Variants in CSMD1 observed in about 807,000 individuals in gnomAD.
CSMD1 encodes the protein CUB and sushi domain-containing protein 1.
Under a neutral mutation model 417.5 loss-of-function variants are expected in CSMD1, and 213 were observed. The ratio of observed to expected loss-of-function variants is 0.51; its 90% CI spans 0.46 to 0.57. The LOEUF (loss-of-function observed/expected upper bound fraction) is 0.57. Among genes scored for constraint, CSMD1 ranks in the 20% least tolerant of loss-of-function variants. The pLI is 0.00. For synonymous variants in CSMD1, 2,862 were observed against 1,736.8 expected (o/e 1.65, Z -16.11); for missense variants, 6,923 against 4,529.7 (o/e 1.53, Z -15.17).
chr8:3,911,134 G>C (rs2930371), intron 5 of CSMD1, among the ~76,000 whole-genome samples: 30,979 of 151,982 alleles, frequency 0.2, 3,827 homozygotes, highest in African/African-American at 0.33. Context: ...CCAATCACAG[G>C]ACTCAAAGAG....
intron 5 of CSMD1, among the ~76,000 whole-genome samples, chr8:3,985,330 C>T (rs1049787394): frequency 6.6e-6 from 1 of 152,104 alleles, no homozygotes; most frequent in African/African-American, 2.4e-5. Flanking sequence ...TATATGTTTT[C>T]GTTTATTAGG....
intron 1 of CSMD1, among the ~76,000 whole-genome samples, chr8:4,793,611 T>A (rs1174817968): frequency 6.6e-6 from 1 of 151,674 alleles, no homozygotes; most frequent in Admixed American, 6.6e-5. Context: ...ACTATCATAC[T>A]GTTTCAAAAA....
chr8:4,306,578 G>A (rs1489953153), intron 3 of CSMD1, among the ~76,000 whole-genome samples: 1 of 152,078 alleles, frequency 6.6e-6, no homozygotes, highest in Non-Finnish European at 1.5e-5. Flanking sequence ...CCTGCCCATG[G>A]TGTATTAAGC....
chr8:3,527,064 C>A (rs1347942555), intron 10 of CSMD1, among the ~76,000 whole-genome samples: 4 of 151,968 alleles, frequency 2.6e-5, no homozygotes, highest in Admixed American at 6.6e-5. Context: ...CGGGTCAGTG[C>A]CACGCTGCAA....
chr8:4,107,160 C>A (rs1284172676), intron 3 of CSMD1, among the ~76,000 whole-genome samples: 2 of 152,152 alleles, frequency 1.3e-5, no homozygotes, highest in Admixed American at 1.3e-4. Flanking sequence ...CAATTCCAGT[C>A]AACTTCAGAA....
chr8:3,704,846 C>G (rs532732902), intron 7 of CSMD1: 6 of 152,392 alleles, frequency 3.9e-5, no homozygotes, highest in African/African-American at 1.4e-4. Context: ...TTGCTGAACT[C>G]TTGCTGATGC....
At position 4,025,377 on chromosome 8, in the gene CSMD1, T is replaced by G. The variant is rs59528403; in HGVS notation, c.610+6528A>C. 4.0e-3 allele frequency among the ~76,000 whole-genome samples: 602 copies of G among 152,332 alleles called. 4 individuals carry two copies. Among genetic ancestry groups the G allele is most frequent in the African/African-American group, 0.014 (578 of 41,572 alleles). On this transcript the variant is annotated intron_variant, in intron 4 of 69. Transcript: ENST00000635120. ...GATCCTCTATTTCCCTGTAGGACCC[T>G]AGATCTCAAAGTAATTTATAATCTA...
At chr8:3,504,043 G>C (rs7009256) in intron 10 of CSMD1, among the ~76,000 whole-genome samples, 10 of 151,922 alleles carry the variant, frequency 6.6e-5, no homozygotes, top group Non-Finnish European at 1.5e-4. Flanking sequence ...CAGGGTGACT[G>C]TCATGAACAA....
chr8:4,072,072 C>A (rs928795067), intron 3 of CSMD1, among the ~76,000 whole-genome samples: 8 of 152,188 alleles, frequency 5.3e-5, no homozygotes, highest in Non-Finnish European at 1.2e-4. Flanking sequence ...GCCACCAGCA[C>A]TGACATGCTT....
intron 3 of CSMD1, among the ~76,000 whole-genome samples, chr8:4,108,873 T>G (rs11988265): frequency 0.022 from 3,362 of 152,308 alleles, 133 homozygotes; most frequent in African/African-American, 0.076. Flanking sequence ...TGCAAGAATT[T>G]GTCACTTTAG....
chr8:4,011,990 G>A (rs1816575726), intron 4 of CSMD1, among the ~76,000 whole-genome samples: 1 of 151,532 alleles, frequency 6.6e-6, no homozygotes, highest in Admixed American at 6.6e-5. Flanking sequence ...CACAGAAATG[G>A]CTGTTATACT....
intron 3 of CSMD1, among the ~76,000 whole-genome samples, chr8:4,077,290 T>C (rs958770714): frequency 3.2e-5 from 3 of 94,544 alleles, no homozygotes; most frequent in African/African-American, 1.1e-4. Flanking sequence ...TATATATATA[T>C]ATATGTGTAT....
At chr8:4,786,115 A>G (rs1797388706) in intron 1 of CSMD1, among the ~76,000 whole-genome samples, 1 of 152,164 alleles carries the variant, frequency 6.6e-6, no homozygotes, top group Non-Finnish European at 1.5e-5. Flanking sequence ...AAAAAAATAA[A>G]TATCCTGTTT....
At chr8:3,316,496 TA>T (rs1356211773) in intron 23 of CSMD1, among the ~76,000 whole-genome samples, 2 of 150,770 alleles carry the variant, frequency 1.3e-5, no homozygotes, top group African/African-American at 4.9e-5. Context: ...CAAAGGAAAC[TA>T]GTATATTGGT....
At chr8:3,748,361 A>G (rs1797159314) in intron 6 of CSMD1, among the ~76,000 whole-genome samples, 1 of 152,198 alleles carries the variant, frequency 6.6e-6, no homozygotes, top group Non-Finnish European at 1.5e-5. Flanking sequence ...CCTACCTAAT[A>G]GTTCCCTCAA....
At chr8:4,202,461 T>G (rs1339227792) in intron 3 of CSMD1, among the ~76,000 whole-genome samples, 1 of 152,220 alleles carries the variant, frequency 6.6e-6, no homozygotes, top group South Asian at 2.1e-4. Context: ...TTTCATTACG[T>G]AAGTTTTAAC....
At chr8:3,062,771 G>A (rs1356441592) in intron 49 of CSMD1, among the ~76,000 whole-genome samples, 1 of 152,154 alleles carries the variant, frequency 6.6e-6, no homozygotes, top group Non-Finnish European at 1.5e-5. Context: ...AATTATTACA[G>A]TGAAAGGCTC....
At chr8:4,561,519 C>T (rs1160118462) in intron 2 of CSMD1, among the ~76,000 whole-genome samples, 1 of 152,082 alleles carries the variant, frequency 6.6e-6, no homozygotes, top group Non-Finnish European at 1.5e-5. Flanking sequence ...CCTGTCTCTA[C>T]CAAAACAGAA....
intron 52 of CSMD1, among the ~76,000 whole-genome samples, chr8:3,017,806 T>TAAAAAAAAA (rs777717027): frequency 1.3e-5 from 1 of 76,478 alleles, no homozygotes; most frequent in Non-Finnish European, 2.5e-5. Flanking sequence ...TTGAGTGATT[T>TAAAAAAAAA]AAAAAAAAAA....
Sources: gnomAD v4.1 joint callset for allele counts (sites outside exome capture counted in the v4.1 genomes callset) on GRCh38, gnomAD v4.1.1 for gene constraint, MANE v1.5 for transcripts, NCBI Gene and HGNC (gene_info 2026-07-23, HGNC 2026-07-21) for gene names.